The following UHRF1 variants were observed in gnomAD, a reference collection of about 807,000 sequenced individuals.
The protein encoded by UHRF1 is E3 ubiquitin-protein ligase UHRF1.
UHRF1 carries 9 observed loss-of-function variants against 96.5 expected under a neutral mutation model. That is an observed-to-expected ratio of 0.09 (90% CI 0.06 to 0.16). The LOEUF (loss-of-function observed/expected upper bound fraction) is 0.16. Ranked by LOEUF, UHRF1 falls within the 10% of genes least tolerant of loss-of-function variation. The pLI is 1.00. For synonymous variants in UHRF1, 455 were observed against 469.9 expected, an observed-to-expected ratio of 0.97 and a Z score of 0.41; for missense variants, 626 against 1,131.1, an observed-to-expected ratio of 0.55 and a Z score of 6.40.
chr19:4,941,790 G>T lies in UHRF1; in HGVS notation c.932G>T (p.Arg311Ile). 1.3e-6 allele frequency: 2 copies of T among 1,574,006 alleles called. No homozygotes were observed. The highest frequency in any genetic ancestry group is 1.7e-6 in the Non-Finnish European group (2 of 1,160,226). The part of the protein sequence containing the change: ...SCKHCKDDVN[R>I]LCRVCACHLC... Reference sequence around the variant, plus strand: ...AAGCACTGCAAGGACGACGTGAACAGACTCTGCCGGGTCTGCGCCTGCCAC... The same window carrying T: ...AAGCACTGCAAGGACGACGTGAACATACTCTGCCGGGTCTGCGCCTGCCAC... Residue 311 changes from arginine (R) to isoleucine (I), a missense_variant, in exon 7 of 17, where the codon AGA (arginine) becomes ATA (isoleucine). Transcript: ENST00000650932.
chr19:4,907,074 C>T (rs1369404770), upstream of UHRF1, among the ~76,000 whole-genome samples: 2 of 152,208 alleles, frequency 1.3e-5, no homozygotes, highest in African/African-American at 2.4e-5. Flanking sequence ...CCCAAGGCTG[C>T]TATGACAAAG....
At chr19:4,916,867 T>C (rs1255084363) in intron 2 of UHRF1, among the ~76,000 whole-genome samples, 1 of 152,210 alleles carries the variant, frequency 6.6e-6, no homozygotes, top group African/African-American at 2.4e-5. Flanking sequence ...GCACTCTCTC[T>C]TCCGGCTGGA....
At chr19:4,951,621 C>T (rs186568063) in intron 13 of UHRF1, among the ~76,000 whole-genome samples, 41 of 149,994 alleles carry the variant, frequency 2.7e-4, no homozygotes, top group Admixed American at 4.7e-4. Context: ...TGCTTGTCTT[C>T]GTTCTGTTGG....
Position 4,903,366 on chromosome 19 carries a change from G to A in UHRF1, c.-290G>A, listed in dbSNP as rs536560216. ...CTCATTCTGTCACCCAGGCTGGAGT[G>A]TAGTGGCGCGATCTCGGCTCACTGC... On this transcript the variant is annotated 5_prime_UTR_variant, in exon 1 of 17. Coordinates refer to the UHRF1 transcript ENST00000612630. 6 of 157,472 alleles carry A rather than the reference G, an allele frequency of 3.8e-5. No homozygotes were observed. In the East Asian group the frequency reaches 1.1e-3, roughly 29 times the overall value. 9.8% of individuals were successfully genotyped at this position (157,472 alleles called of 1,614,324 possible).
chr19:4,939,776 G>A (rs935659921), intron 5 of UHRF1, among the ~76,000 whole-genome samples: 2 of 152,168 alleles, frequency 1.3e-5, no homozygotes, highest in Non-Finnish European at 2.9e-5. Context: ...TGTAATCCCA[G>A]TACTTTGGGG....
rs147942009 is a variant in UHRF1, at chr19:4,926,860, C to G, written c.154-2362C>G. 9.5e-4 allele frequency among the ~76,000 whole-genome samples: 144 copies of G among 151,956 alleles called. 3 individuals carry two copies. The East Asian group carries it at 0.024, about 26-fold the overall frequency. On this transcript the variant is annotated intron_variant, in intron 2 of 16. Transcript: ENST00000650932. ...TGGGCGGATCACGAGGTCAGGAGAT[C>G]GAGACCATTCTGGCTAACATGGTGA...
At chr19:4,911,183 C>A in intron 2 of UHRF1, 145 bp downstream of exon 2, 1 of 757,556 alleles carries the variant, frequency 1.3e-6, no homozygotes, top group Non-Finnish European at 2.0e-6. Flanking sequence ...GAGAAGTCCA[C>A]AGAAACCTCA....
chr19:4,950,275 A>G (rs1192593087), intron 11 of UHRF1, among the ~76,000 whole-genome samples: 2 of 144,326 alleles, frequency 1.4e-5, no homozygotes, highest in Non-Finnish European at 3.0e-5. Context: ...ACAGAACCTC[A>G]CTCTGTCACC....
chr19:4,916,562 G>A (rs886396961), intron 2 of UHRF1, among the ~76,000 whole-genome samples: 29 of 152,090 alleles, frequency 1.9e-4, no homozygotes, highest in African/African-American at 6.3e-4. Context: ...TGACCCGGCC[G>A]GGTCGAAGGG....
In UHRF1 at chr19:4,960,782, C is replaced by G; in HGVS notation, c.2361C>G (p.Pro787=). 8 of 1,568,016 alleles carry G rather than the reference C, an allele frequency of 5.1e-6. No individual in the cohort carries two copies. Among genetic ancestry groups the G allele is most frequent in the Non-Finnish European group, 6.1e-6 (7 of 1,151,876 alleles). Residue 787 remains proline (P), a synonymous_variant, in exon 17 of 17, where the codon CCC becomes CCG. Transcript: ENST00000650932. ...PLQTVLNQLF[P]GYGNGR ...AGACCGTCCTCAACCAGCTCTTCCC[C>G]GGCTACGGCAATGGCCGGTGATCTC...
chr19:4,923,630 G>A (rs915098102), intron 2 of UHRF1, among the ~76,000 whole-genome samples: 1 of 152,200 alleles, frequency 6.6e-6, no homozygotes, highest in Non-Finnish European at 1.5e-5. Context: ...CTCTGCGCAC[G>A]TGGCCTTCGG....
rs371335433 is a variant in UHRF1 at position 4,929,341 on chromosome 19, C to G, written c.273C>G (p.Ser91=). Residue 91 remains serine, a synonymous_variant, in exon 3 of 17, where the codon TCC becomes TCG. Transcript: ENST00000650932. The part of the protein sequence containing the change: ...HSTKERDSEL[S]DTDSGCCLGQ... ...CCAAGGAGCGGGACTCCGAGCTCTC[C>G]GACACCGACTCCGGCTGCTGCCTGG... 7 of 1,613,544 alleles carry G rather than the reference C, an allele frequency of 4.3e-6. No individual in the cohort carries two copies. Among genetic ancestry groups the G allele is most frequent in the Non-Finnish European group, 5.9e-6 (7 of 1,179,904 alleles).
chr19:4,923,254 C>T (rs919211753), intron 2 of UHRF1, among the ~76,000 whole-genome samples: 57 of 152,250 alleles, frequency 3.7e-4, no homozygotes, highest in Non-Finnish European at 1.3e-4. Context: ...AGAGTCCGAC[C>T]GTCTGGCCCC....
Position 4,932,225 on chromosome 19 carries a change from G to GC in UHRF1, c.570-514dup, listed in dbSNP as rs2033076235. Reference sequence around the variant, plus strand: ...GGCATGAGCCACCGTGCCCGGCCATGCCTGGCTAATTTTTGTATTTTTAGT... The same window carrying GC: ...GGCATGAGCCACCGTGCCCGGCCATGCCCTGGCTAATTTTTGTATTTTTAGT... On this transcript the variant is annotated intron_variant, in intron 4 of 16. Transcript: ENST00000650932. 7.9e-5 allele frequency among the ~76,000 whole-genome samples: 12 copies of GC among 151,508 alleles called. No individual in the cohort carries two copies. In the South Asian group the frequency reaches 2.5e-3, roughly 32 times the overall value.
At chr19:4,917,111 G>GTTTTTTTT (rs59815341) in intron 2 of UHRF1, among the ~76,000 whole-genome samples, 2 of 77,190 alleles carry the variant, frequency 2.6e-5, no homozygotes, top group African/African-American at 5.0e-5. Flanking sequence ...TTAAGTTTTC[G>GTTTTTTTT]TTTTTTTTTT....
At position 4,954,390 on chromosome 19, in the gene UHRF1, G is replaced by A. The variant is rs2033796066; in HGVS notation, c.1859G>A (p.Arg620Gln). 4.3e-6 allele frequency: 7 copies of A among 1,613,664 alleles called. No homozygotes were observed. The highest frequency in any genetic ancestry group is 1.7e-5 in the Admixed American group (1 of 59,962). ...CTGGAAGCCCTGGCCAACCGAGAGC[G>A]AGAGAAGGAGAACAGCAAGAGGGAG... Reference protein sequence around the residue: ...GYLEALANREREKENSKREEE... With the variant: ...GYLEALANREQEKENSKREEE... Residue 620 changes from arginine to glutamine, a missense_variant, in exon 14 of 17, where the codon CGA (arginine) becomes CAA (glutamine). Physicochemically the swap from Arg to Gln is conservative, Grantham distance 43. Around this residue, in one of 11 missense-constraint regions of UHRF1, gnomAD observed 90 missense variants for 94.7 expected, o/e 0.95. Coordinates refer to ENST00000650932, the MANE Select transcript of UHRF1 (RefSeq NM_001048201.3). This position sits in a 1 kb window ranked among gnomAD's most constrained non-coding sequence, Gnocchi z 5.9.
chr19:4,941,316 C>T (rs1002624731), intron 5 of UHRF1, among the ~76,000 whole-genome samples: 2 of 151,988 alleles, frequency 1.3e-5, no homozygotes, highest in African/African-American at 4.8e-5. Flanking sequence ...GTCTCGAACT[C>T]CTGACCTCGG....
At chr19:4,929,854 G>A (rs2032993697) in intron 3 of UHRF1, among the ~76,000 whole-genome samples, 1 of 151,750 alleles carries the variant, frequency 6.6e-6, no homozygotes, top group East Asian at 1.9e-4. Context: ...AGCCTGGGGT[G>A]CAGCCGTGTG....
rs147772549 is a variant in UHRF1 at position 4,935,466 on chromosome 19, A to G, written c.785+2510A>G. Among the ~76,000 whole-genome samples the G allele has an allele frequency of 5.8e-3, 885 of 152,206 alleles. 15 individuals are homozygous for G. Among genetic ancestry groups the G allele is most frequent in the African/African-American group, 0.02 (847 of 41,528 alleles). On this transcript the variant is annotated intron_variant, in intron 5 of 16. Transcript: ENST00000650932. ...GTATGTCTTTATTAGCAACATGAGA[A>G]CAGACTCATACAACCCCTTCCAAGC...
Sources: gnomAD v4.1 joint callset for allele counts (sites outside exome capture counted in the v4.1 genomes callset) on GRCh38, gnomAD v4.1.1 for gene constraint, gnomAD v4.1.1 regional missense constraint, Gnocchi (gnomAD v3.1) non-coding constraint, MANE v1.5 for transcripts, NCBI Gene and HGNC (gene_info 2026-07-23, HGNC 2026-07-21) for gene names.